Variants in LARGE1 observed in about 807,000 individuals in gnomAD.
The protein encoded by LARGE1 is LARGE xylosyl- and glucuronyltransferase 1, also known as xylosyl- and glucuronyltransferase LARGE1.
A neutral mutation model predicts 87.6 loss-of-function variants in LARGE1; 43 were observed. The observed-to-expected ratio is 0.49, with a 90% CI of 0.38 to 0.63. The LOEUF (loss-of-function observed/expected upper bound fraction) is 0.63, where lower values mean the gene tolerates loss of function less well. Among genes scored for constraint, LARGE1 ranks in the 30% least tolerant of loss-of-function variants. LARGE1 has a pLI of 0.00. For synonymous variants in LARGE1, 434 were observed against 394.6 expected (o/e 1.10, Z -1.18); for missense variants, 802 against 1,000.2 (o/e 0.80, Z 2.67).
chr22:33,591,789 C>T (rs2078844601), intron 5 of LARGE1, among the ~76,000 whole-genome samples: 2 of 146,952 alleles, frequency 1.4e-5, no homozygotes, highest in Admixed American at 6.9e-5. Context: ...AGCAGGACTG[C>T]TTGGGCCAGG....
chr22:33,374,474 ACT>A (rs1272587787), intron 9 of LARGE1, among the ~76,000 whole-genome samples: 1 of 152,144 alleles, frequency 6.6e-6, no homozygotes, highest in Admixed American at 6.5e-5. Flanking sequence ...TTTGATAATC[ACT>A]CTGGTTACAT....
Position 33,916,879 on chromosome 22 carries a change from G to A in LARGE1, c.-83+3116C>T, listed in dbSNP as rs142009019. 6.6e-5 allele frequency among the ~76,000 whole-genome samples: 10 copies of A among 152,326 alleles called. No homozygotes were observed. In the East Asian group the frequency reaches 1.2e-3, roughly 18 times the overall value. ...TTGGTGCTCAATGGCAAATGCGATG[G>A]TATTTTCCTGTTCCAATCTCTTACC... On this transcript the variant is annotated intron_variant, in intron 1 of 14. Transcript: ENST00000397394.
chr22:33,113,163 AG>A, the LARGE1 span, among the ~76,000 whole-genome samples: 2 of 152,116 alleles, frequency 1.3e-5, no homozygotes, highest in East Asian at 3.8e-4. Context: ...TATGGCAGGA[AG>A]TAAGTCTAGA....
At chr22:33,442,106 G>A (rs1383429544) in intron 6 of LARGE1, among the ~76,000 whole-genome samples, 1 of 152,160 alleles carries the variant, frequency 6.6e-6, no homozygotes, top group African/African-American at 2.4e-5. Flanking sequence ...GAAGATGAGA[G>A]GAAGAAAGAC....
rs73882222 is a variant in LARGE1, at chr22:33,414,246, G to A, written c.892+17915C>T. ...ATACTGCATGATTCTGCTCATATGA[G>A]ATATTTAAAATGGTCAAACTAATAG... On this transcript the variant is annotated intron_variant, in intron 7 of 14. Coordinates refer to ENST00000397394, the MANE Select transcript of LARGE1 (RefSeq NM_133642.5). 9.5e-3 allele frequency among the ~76,000 whole-genome samples: 1,439 copies of A among 152,196 alleles called. 21 individuals carry two copies. The highest frequency in any genetic ancestry group is 0.029 in the African/African-American group (1,221 of 41,490).
At chr22:33,297,399 A>G (rs957741061) in intron 12 of LARGE1, among the ~76,000 whole-genome samples, 2 of 152,138 alleles carry the variant, frequency 1.3e-5, no homozygotes, top group African/African-American at 2.4e-5. Context: ...ACCTGAGGTC[A>G]GGAGTCTGAG....
At chr22:33,717,419 C>CTTTTT (rs2082945023) in intron 2 of LARGE1, among the ~76,000 whole-genome samples, 1 of 152,156 alleles carries the variant, frequency 6.6e-6, no homozygotes, top group Non-Finnish European at 1.5e-5. Flanking sequence ...AGAATGAGAG[C>CTTTTT]TTTTTCTTTT....
intron 1 of LARGE1, among the ~76,000 whole-genome samples, chr22:33,849,299 C>G (rs1329831859): frequency 6.6e-6 from 1 of 152,180 alleles, no homozygotes; most frequent in Admixed American, 6.5e-5. Flanking sequence ...GTGTCCTTAG[C>G]AAGCTAATGT....
chr22:33,259,232 T>C (rs1927487195), intron 11 of LARGE1, among the ~76,000 whole-genome samples: 1 of 152,124 alleles, frequency 6.6e-6, no homozygotes, highest in East Asian at 1.9e-4. Context: ...CCTGTTCCCA[T>C]TCCTTACCTT....
chr22:33,863,719 C>T lies in LARGE1; in HGVS notation c.-83+56276G>A, dbSNP rs545168094. Among the ~76,000 whole-genome samples, 7 of 151,296 alleles carry T rather than the reference C, an allele frequency of 4.6e-5. No individual in the cohort carries two copies. In the South Asian group the frequency reaches 1.5e-3, roughly 32 times the overall value. On this transcript the variant is annotated intron_variant, in intron 1 of 14. Coordinates refer to ENST00000397394, the MANE Select transcript of LARGE1 (RefSeq NM_133642.5). ...GGAGGCGGAGGTTGCAGTGAGCCGA[C>T]ATTGCGCCATTGCACTCCAGCCTGG...
the LARGE1 span, among the ~76,000 whole-genome samples, chr22:33,149,571 G>A: frequency 6.6e-6 from 1 of 152,156 alleles, no homozygotes; most frequent in African/African-American, 2.4e-5. Flanking sequence ...CACAAACTTA[G>A]CTGATGAAAA....
chr22:33,195,236 A>G (rs1924003238), intron 11 of LARGE1, among the ~76,000 whole-genome samples: 1 of 152,108 alleles, frequency 6.6e-6, no homozygotes, highest in African/African-American at 2.4e-5. Context: ...TAAGTTGACA[A>G]CTCCATAATT....
intron 6 of LARGE1, among the ~76,000 whole-genome samples, chr22:33,468,000 A>T (rs1256936727): frequency 6.6e-6 from 1 of 152,148 alleles, no homozygotes; most frequent in Non-Finnish European, 1.5e-5. Flanking sequence ...AAATCTTGCT[A>T]GCTGTGGCAG....
intron 5 of LARGE1, among the ~76,000 whole-genome samples, chr22:33,571,574 CCTT>C (rs1488202231): frequency 2.6e-5 from 4 of 152,104 alleles, no homozygotes; most frequent in African/African-American, 9.7e-5. Flanking sequence ...GATGCTCACT[CCTT>C]CTCCAAGATG....
intron 1 of LARGE1, among the ~76,000 whole-genome samples, chr22:33,827,215 A>T (rs1294403257): frequency 6.6e-6 from 1 of 151,794 alleles, no homozygotes; most frequent in African/African-American, 2.4e-5. Context: ...ACAAAAAAAA[A>T]AAAAATTAGC....
chr22:33,716,568 C>T (rs892251464), intron 2 of LARGE1, among the ~76,000 whole-genome samples: 2 of 152,100 alleles, frequency 1.3e-5, no homozygotes, highest in African/African-American at 2.4e-5. Flanking sequence ...AGCTAACTTA[C>T]ATTATTTTTT....
chr22:33,591,407 T>C (rs2078835130), intron 5 of LARGE1, among the ~76,000 whole-genome samples: 1 of 152,194 alleles, frequency 6.6e-6, no homozygotes, highest in Non-Finnish European at 1.5e-5. Flanking sequence ...ACTAATGATG[T>C]CATTATTGAT....
chr22:33,755,767 G>C (rs1205217277), intron 2 of LARGE1, among the ~76,000 whole-genome samples: 1 of 152,110 alleles, frequency 6.6e-6, no homozygotes, highest in Non-Finnish European at 1.5e-5. Context: ...TCCTACCCAG[G>C]GAACATTCAC....
intron 11 of LARGE1, among the ~76,000 whole-genome samples, chr22:33,305,844 C>CT (rs111657762): frequency 0.38 from 52,021 of 136,748 alleles, 10,241 homozygotes; most frequent in South Asian, 0.46. Context: ...TTTTCTTTTT[C>CT]TTTTTTTTTT....
Sources: allele counts gnomAD v4.1 joint callset (sites outside exome capture counted in the v4.1 genomes callset), GRCh38; gene constraint gnomAD v4.1.1; transcripts MANE v1.5; gene names NCBI Gene and HGNC (gene_info 2026-07-23, HGNC 2026-07-21).